The following MALRD1 variants were observed in gnomAD, a reference collection of about 807,000 sequenced individuals.
MALRD1 encodes MAM and LDL receptor class A domain containing 1.
MALRD1 carries 247 observed loss-of-function variants against 242.1 expected under a neutral mutation model. The ratio of observed to expected loss-of-function variants is 1.02; its 90% CI spans 0.92 to 1.13. The LOEUF is 1.13. Among genes scored for constraint, MALRD1 ranks in the 50% most tolerant of loss-of-function variants. The probability of loss-of-function intolerance (pLI) is 0.00; values close to 1 mark genes in which losing one functional copy is unlikely to be tolerated. For missense variants in MALRD1, 2,989 were observed against 2,533.1 expected, an observed-to-expected ratio of 1.18 and a Z score of -3.86; for synonymous variants, 995 against 866.6, an observed-to-expected ratio of 1.15 and a Z score of -2.60.
chr10:19,516,410 A>G (rs1833628167), intron 31 of MALRD1, among the ~76,000 whole-genome samples: 1 of 152,186 alleles, frequency 6.6e-6, no homozygotes. Flanking sequence ...TATACAGAGA[A>G]ACATTTCTTA....
At chr10:19,624,895 A>G (rs1006703339) in intron 36 of MALRD1, among the ~76,000 whole-genome samples, 2 of 151,614 alleles carry the variant, frequency 1.3e-5, no homozygotes, top group African/African-American at 2.4e-5. Flanking sequence ...AAAAAAAAAA[A>G]AAAAGATCGG....
rs1554830401 is a variant in MALRD1, at chr10:19,719,203, T to TATATACAC, written c.6315-11498_6315-11497insCACATATA. ...ATATATATATATACATACATATATA[T>TATATACAC]ATATATATACACATACATACATATA... On this transcript the variant is annotated intron_variant, in intron 38 of 39. Coordinates refer to ENST00000454679, the MANE Select transcript of MALRD1 (RefSeq NM_001142308.3). 1.1e-3 allele frequency among the ~76,000 whole-genome samples: 104 copies of TATATACAC among 98,268 alleles called. 1 individual carries two copies. Among genetic ancestry groups the TATATACAC allele is most frequent in the Non-Finnish European group, 1.4e-3 (79 of 55,724 alleles). The allele number at this position is 98,268 out of a possible 152,430, so 64.5% of individuals were successfully genotyped here.
intron 1 of MALRD1, among the ~76,000 whole-genome samples, chr10:19,060,882 C>T (rs915386180): frequency 1.3e-5 from 2 of 152,124 alleles, no homozygotes; most frequent in African/African-American, 4.8e-5. Flanking sequence ...ATGGAATCAG[C>T]CTAAATGCCC....
chr10:19,243,977 A>T (rs539823535), intron 18 of MALRD1, among the ~76,000 whole-genome samples: 1 of 152,292 alleles, frequency 6.6e-6, no homozygotes, highest in Non-Finnish European at 1.5e-5. Flanking sequence ...TTTTAACTCT[A>T]AGATTCCTAT....
At chr10:19,630,434 AG>A (rs1839853343) in intron 36 of MALRD1, among the ~76,000 whole-genome samples, 1 of 152,156 alleles carries the variant, frequency 6.6e-6, no homozygotes, top group African/African-American at 2.4e-5. Context: ...CTAAATATAT[AG>A]GGGGAATTCT....
In MALRD1 at chr10:19,223,490, A is replaced by C. The variant is rs76820707; in HGVS notation, c.2991+13810A>C. Among the ~76,000 whole-genome samples the C allele has an allele frequency of 0.017, 2,586 of 152,048 alleles. 103 individuals are homozygous for C. In the East Asian group the frequency reaches 0.18, roughly 10 times the overall value. ...ATGTCACTATTTGTGTAGGAAACAT[A>C]TTTCTATTTTTACCATTTTCAATTT... On this transcript the variant is annotated intron_variant, in intron 18 of 39. Coordinates refer to ENST00000454679, the MANE Select transcript of MALRD1 (RefSeq NM_001142308.3).
chr10:19,197,285 A>G (rs1385670179), intron 14 of MALRD1, among the ~76,000 whole-genome samples: 1 of 152,186 alleles, frequency 6.6e-6, no homozygotes, highest in Non-Finnish European at 1.5e-5. Flanking sequence ...ACACAGAGCC[A>G]AACCATATCA....
At chr10:19,096,195 T>C (rs2131315721) in intron 4 of MALRD1, among the ~76,000 whole-genome samples, 1 of 152,288 alleles carries the variant, frequency 6.6e-6, no homozygotes, top group South Asian at 2.1e-4. Flanking sequence ...CTTGTTTTGC[T>C]CAGCTTCCTA....
At chr10:19,579,407 A>AT (rs944233462) in intron 33 of MALRD1, among the ~76,000 whole-genome samples, 1 of 152,134 alleles carries the variant, frequency 6.6e-6, no homozygotes, top group African/African-American at 2.4e-5. Context: ...AACTCCTAGA[A>AT]TTTTTTTATT....
chr10:19,178,795 A>T (rs1019242691), intron 14 of MALRD1, among the ~76,000 whole-genome samples: 1 of 152,182 alleles, frequency 6.6e-6, no homozygotes, highest in Admixed American at 6.5e-5. Flanking sequence ...GCGATTTTCC[A>T]ACTGAGTGCC....
At chr10:19,583,512 A>G (rs963283409) in intron 33 of MALRD1, among the ~76,000 whole-genome samples, 3 of 149,962 alleles carry the variant, frequency 2.0e-5, no homozygotes, top group Admixed American at 2.0e-4. Context: ...TTCTGTTTAT[A>G]TGCTGGATTA....
At chr10:19,146,732 G>A (rs1833740396) in intron 11 of MALRD1, among the ~76,000 whole-genome samples, 1 of 152,176 alleles carries the variant, frequency 6.6e-6, no homozygotes, top group Non-Finnish European at 1.5e-5. Flanking sequence ...CAGAGATTTA[G>A]CACTATCTGT....
chr10:19,692,735 CT>C (rs1833137943), intron 38 of MALRD1, among the ~76,000 whole-genome samples, 181 bp downstream of exon 38: 1 of 149,832 alleles, frequency 6.7e-6, no homozygotes, highest in African/African-American at 2.4e-5. Context: ...AATTTCTCTT[CT>C]TTTTTTAGTA....
chr10:19,481,485 C>A (rs1254737378), intron 29 of MALRD1, among the ~76,000 whole-genome samples: 1 of 152,058 alleles, frequency 6.6e-6, no homozygotes, highest in Non-Finnish European at 1.5e-5. Flanking sequence ...TGCAAACTTG[C>A]CTCTGATAGT....
chr10:19,150,261 T>G (rs2358339), intron 11 of MALRD1, among the ~76,000 whole-genome samples: 51,817 of 151,984 alleles, frequency 0.34, 9,240 homozygotes, highest in Admixed American at 0.39. Context: ...TGGTTGGTGA[T>G]AGAACTCTAC....
intron 36 of MALRD1, among the ~76,000 whole-genome samples, chr10:19,655,964 G>A (rs1449796745): frequency 6.6e-6 from 1 of 152,024 alleles, no homozygotes; most frequent in Admixed American, 6.6e-5. Flanking sequence ...CAGGAGCTTG[G>A]ACATGTTAAT....
At chr10:19,332,942 T>C (rs1194679504) in intron 24 of MALRD1, among the ~76,000 whole-genome samples, 4 of 152,108 alleles carry the variant, frequency 2.6e-5, no homozygotes, top group Admixed American at 6.5e-5. Flanking sequence ...GTTACATAGG[T>C]ATACACATGC....
chr10:19,299,508 G>A (rs1841849015), intron 21 of MALRD1, among the ~76,000 whole-genome samples: 1 of 151,920 alleles, frequency 6.6e-6, no homozygotes, highest in Non-Finnish European at 1.5e-5. Context: ...CAATACTGGA[G>A]CACCTGAATT....
At chr10:19,062,049 T>G (rs1463398461) in intron 1 of MALRD1, among the ~76,000 whole-genome samples, 1 of 150,788 alleles carries the variant, frequency 6.6e-6, no homozygotes, top group African/African-American at 2.5e-5. Flanking sequence ...TATCAGAATG[T>G]AAAAAGAACG....
Sources: gnomAD v4.1 joint callset for allele counts (sites outside exome capture counted in the v4.1 genomes callset) on GRCh38, gnomAD v4.1.1 for gene constraint, MANE v1.5 for transcripts, NCBI Gene and HGNC (gene_info 2026-07-23, HGNC 2026-07-21) for gene names.